Variants in SGK3 observed in about 807,000 individuals in gnomAD.
SGK3 encodes serine/threonine-protein kinase Sgk3.
Under a neutral mutation model 68.5 loss-of-function variants are expected in SGK3, and 47 were observed. The observed-to-expected ratio is 0.69, with a 90% confidence interval of 0.54 to 0.87. The LOEUF (loss-of-function observed/expected upper bound fraction) is 0.87, where lower values mean the gene tolerates loss of function less well. Ranked by LOEUF, SGK3 falls within the 40% of genes least tolerant of loss-of-function variation. The probability of loss-of-function intolerance (pLI) is 0.00; values close to 1 mark genes in which losing one functional copy is unlikely to be tolerated. For missense variants in SGK3, 479 were observed against 575.5 expected (o/e 0.83, Z 1.72); for synonymous variants, 181 against 189.1 (o/e 0.96, Z 0.35).
intron 3 of SGK3, 24 bp from the exon 4 acceptor site, chr8:66,804,351 T>C (rs751498880): frequency 6.3e-7 from 1 of 1,585,940 alleles, no homozygotes; most frequent in Non-Finnish European, 8.6e-7. Context: ...TTAGTTCATA[T>C]AATGTTATTT....
chr8:66,777,233 A>C (rs1806748614), intron 1 of SGK3, among the ~76,000 whole-genome samples: 1 of 152,210 alleles, frequency 6.6e-6, no homozygotes, highest in Non-Finnish European at 1.5e-5. Context: ...TTAAAATTGC[A>C]TACAACACCA....
intron 1 of SGK3, among the ~76,000 whole-genome samples, chr8:66,781,967 T>A (rs1475908380): frequency 6.6e-6 from 1 of 152,234 alleles, no homozygotes; most frequent in African/African-American, 2.4e-5. Context: ...AAGGCTACTA[T>A]GTATCTTTCA....
At chr8:66,724,489 T>C (rs1266103264) in intron 1 of SGK3, among the ~76,000 whole-genome samples, 2 of 151,992 alleles carry the variant, frequency 1.3e-5, no homozygotes, top group African/African-American at 2.4e-5. Context: ...GGCAGGAAAA[T>C]TGCTTGAACC....
intron 5 of SGK3, among the ~76,000 whole-genome samples, chr8:66,819,498 T>C (rs1808723934): frequency 6.6e-6 from 1 of 152,236 alleles, no homozygotes; most frequent in Non-Finnish European, 1.5e-5. Flanking sequence ...TTGAGTAATT[T>C]TTAGTACATT....
chr8:66,747,481 G>A (rs1805686642), intron 1 of SGK3, among the ~76,000 whole-genome samples: 1 of 152,162 alleles, frequency 6.6e-6, no homozygotes, highest in Non-Finnish European at 1.5e-5. Flanking sequence ...AGAACTAAAG[G>A]AGACCAAGAT....
chr8:66,757,734 G>C (rs1218380578), intron 1 of SGK3, among the ~76,000 whole-genome samples: 1 of 151,238 alleles, frequency 6.6e-6, no homozygotes, highest in East Asian at 2.0e-4. Flanking sequence ...GGCCAACATG[G>C]TGAAACCTCG....
chr8:66,729,735 T>TTATTTATTTATATTTATTTATTTA (rs149985419), intron 1 of SGK3, among the ~76,000 whole-genome samples: 3 of 150,908 alleles, frequency 2.0e-5, no homozygotes, highest in African/African-American at 7.4e-5. Context: ...ATTTATTTAT[T>TTATTTATTTATATTTATTTATTTA]TTTATTTATT....
intron 1 of SGK3, among the ~76,000 whole-genome samples, chr8:66,782,965 G>A (rs1355722956): frequency 6.6e-6 from 1 of 152,156 alleles, no homozygotes; most frequent in African/African-American, 2.4e-5. Context: ...TTGTGTGCAC[G>A]TAGTTTTTAG....
intron 6 of SGK3, among the ~76,000 whole-genome samples, chr8:66,826,503 T>C (rs1253652815): frequency 6.6e-6 from 1 of 152,222 alleles, no homozygotes; most frequent in Non-Finnish European, 1.5e-5. Flanking sequence ...TAAAGGCAAC[T>C]CTTAGTTAAA....
At chr8:66,778,724 G>A (rs933404492) in intron 1 of SGK3, among the ~76,000 whole-genome samples, 1 of 152,202 alleles carries the variant, frequency 6.6e-6, no homozygotes, top group Non-Finnish European at 1.5e-5. Context: ...GAAAAAGTCA[G>A]TACCAAGTAA....
At chr8:66,713,861 G>A (rs1016873263) in intron 1 of SGK3, among the ~76,000 whole-genome samples, 3 of 152,174 alleles carry the variant, frequency 2.0e-5, no homozygotes, top group African/African-American at 7.2e-5. Context: ...TTTTAGCACC[G>A]GGTGTGCCTT....
intron 1 of SGK3, among the ~76,000 whole-genome samples, chr8:66,720,791 A>G (rs933813275): frequency 2.7e-5 from 4 of 150,610 alleles, no homozygotes; most frequent in East Asian, 3.9e-4. Flanking sequence ...TTATATATAT[A>G]TATAATTAGC....
intron 1 of SGK3, among the ~76,000 whole-genome samples, chr8:66,762,121 AC>A (rs1420525123): frequency 2.6e-5 from 4 of 152,122 alleles, no homozygotes; most frequent in African/African-American, 9.7e-5. Flanking sequence ...GGCGCCTGCT[AC>A]CATGCCCGGC....
chr8:66,774,351 CAG>C (rs1378526496), intron 1 of SGK3, among the ~76,000 whole-genome samples: 3 of 151,936 alleles, frequency 2.0e-5, no homozygotes, highest in Non-Finnish European at 4.4e-5. Context: ...ATTTTAGAAA[CAG>C]GGTCTTGCTA....
At chr8:66,806,051 A>G (rs1342043981) in intron 4 of SGK3, among the ~76,000 whole-genome samples, 1 of 152,176 alleles carries the variant, frequency 6.6e-6, no homozygotes, top group Non-Finnish European at 1.5e-5. Flanking sequence ...TCCTTTAATT[A>G]AAACATTTTT....
At chr8:66,800,396 T>G (rs1194643360) in intron 3 of SGK3, among the ~76,000 whole-genome samples, 1 of 147,320 alleles carries the variant, frequency 6.8e-6, no homozygotes, top group Non-Finnish European at 1.5e-5. Flanking sequence ...TTTTTTTTTT[T>G]TTATTATACT....
intron 10 of SGK3, among the ~76,000 whole-genome samples, chr8:66,838,511 C>G (rs1439893853): frequency 1.3e-5 from 2 of 152,162 alleles, no homozygotes; most frequent in African/African-American, 4.8e-5. Context: ...CACCTTGTGT[C>G]TTTGAAATGT....
At chr8:66,838,097 C>G (rs1242532102) in intron 10 of SGK3, among the ~76,000 whole-genome samples, 1 of 152,180 alleles carries the variant, frequency 6.6e-6, no homozygotes, top group Non-Finnish European at 1.5e-5. Flanking sequence ...GACGGAGTCT[C>G]TCTCTGTCAC....
At chr8:66,796,123 G>A (rs987394208) in intron 2 of SGK3, among the ~76,000 whole-genome samples, 2 of 151,348 alleles carry the variant, frequency 1.3e-5, no homozygotes, top group Non-Finnish European at 2.9e-5. Context: ...TCATGTTATC[G>A]ATAATATTTT....
Sources: allele counts gnomAD v4.1 joint callset (sites outside exome capture counted in the v4.1 genomes callset), GRCh38; gene constraint gnomAD v4.1.1; transcripts MANE v1.5; gene names NCBI Gene and HGNC (gene_info 2026-07-23, HGNC 2026-07-21).